The following RAB40B variants were observed in gnomAD, a reference collection of about 807,000 sequenced individuals.
RAB40B encodes the protein RAB40B, member RAS oncogene family, also known as ras-related protein Rab-40B.
RAB40B carries 21 observed loss-of-function variants against 24.0 expected under a neutral mutation model. The observed-to-expected ratio is 0.88, with a 90% CI of 0.62 to 1.26. The LOEUF (loss-of-function observed/expected upper bound fraction) is 1.26. RAB40B is among the 50% of genes most tolerant of loss of function. RAB40B has a pLI of 0.00. For missense variants in RAB40B, 348 were observed against 390.5 expected, an observed-to-expected ratio of 0.89 and a Z score of 0.92; for synonymous variants, 167 against 169.8, an observed-to-expected ratio of 0.98 and a Z score of 0.13.
chr17:82,659,455 C>G, intron 4 of RAB40B, 125 bp downstream of exon 4: 1 of 852,152 alleles, frequency 1.2e-6, no homozygotes, highest in South Asian at 1.6e-5. Context: ...TGCTGGAGCG[C>G]CATCCGGTGC....
At chr17:82,698,309 T>A in intron 1 of RAB40B, 146 bp downstream of exon 1, 11 of 652,134 alleles carry the variant, frequency 1.7e-5, no homozygotes, top group East Asian at 5.1e-5. Flanking sequence ...ACTCCTACCC[T>A]CCCCGGCCAC....
Position 82,667,283 on chromosome 17 carries a change from G to T in RAB40B, c.143-2727C>A, listed in dbSNP as rs190859127. ...CGGGCAGAGCGAGGTGTGCAGTGGC[G>T]GTGCCACCGGTGGCCTCCCACTTGG... On this transcript the variant is annotated intron_variant, in intron 1 of 5. Transcript: ENST00000571995. This position sits in a 1 kb window ranked among gnomAD's most constrained non-coding sequence, Gnocchi z 4.3. Among the ~76,000 whole-genome samples the T allele has an allele frequency of 1.3e-5, 2 of 152,236 alleles. No individual in the cohort carries two copies. Among genetic ancestry groups the T allele is most frequent in the Admixed American group, 6.5e-5 (1 of 15,286 alleles).
chr17:82,670,477 G>T (rs1038292410), intron 1 of RAB40B, among the ~76,000 whole-genome samples: 2 of 151,354 alleles, frequency 1.3e-5, no homozygotes, highest in African/African-American at 4.9e-5. Context: ...GAGCCACCAC[G>T]CCCAGCCAAG....
At chr17:82,661,749 T>C (rs2046175194) in intron 2 of RAB40B, 1 of 215,732 alleles carries the variant, frequency 4.6e-6, no homozygotes, top group Non-Finnish European at 7.9e-6. Flanking sequence ...TAGCTGGACA[T>C]GGTGGTGTGC....
intron 3 of RAB40B, among the ~76,000 whole-genome samples, chr17:82,660,194 CAT>C (rs1281902580): frequency 2.6e-5 from 4 of 152,074 alleles, no homozygotes; most frequent in Admixed American, 6.5e-5. Flanking sequence ...TACACATACA[CAT>C]AGGCACTCAT....
chr17:82,666,527 G>A (rs2046259564), intron 1 of RAB40B, among the ~76,000 whole-genome samples: 1 of 152,172 alleles, frequency 6.6e-6, no homozygotes, highest in South Asian at 2.1e-4. Flanking sequence ...TTACAGGCAT[G>A]AGCTGCTGCT....
Position 82,656,125 on chromosome 17 carries a change from T to G in RAB40B, c.*1738A>C, listed in dbSNP as rs1211164390. The G allele has an allele frequency of 6.6e-6, 1 of 151,876 alleles. No homozygotes were observed. The highest frequency in any genetic ancestry group is 1.5e-5 in the Non-Finnish European group (1 of 67,988). The allele number at this position is 151,876 out of a possible 1,614,324, so 9.4% of individuals were successfully genotyped here. ...TGCCATGCCAAGCCAATTTTTGTAA[T>G]TTTATTAGAGACGGGGTTTCATCAC... On this transcript the variant is annotated 3_prime_UTR_variant, in exon 6 of 6. Transcript: ENST00000571995.
rs368029606 is a variant in RAB40B, at chr17:82,659,530, G to A, written c.342+50C>T. On this transcript the variant is annotated intron_variant, in intron 4 of 5. Transcript: ENST00000571995. ...GCCCGGCCCTAATTCCTGGCCTGAC[G>A]TCCTCCCAAGCCTACAGGGATCTTG... is the stretch of plus-strand genomic sequence containing the variant. The A allele has an allele frequency of 9.8e-5, 156 of 1,584,144 alleles. 1 individual carries two copies. In the African/African-American group the frequency reaches 1.4e-3, roughly 14 times the overall value.
At chr17:82,658,324 C>G in intron 5 of RAB40B, 167 bp downstream of exon 5, 1 of 1,073,910 alleles carries the variant, frequency 9.3e-7, no homozygotes, top group Non-Finnish European at 1.3e-6. Context: ...CCCTCATGAG[C>G]TTTCTGACAA....
intron 1 of RAB40B, among the ~76,000 whole-genome samples, chr17:82,679,524 G>A (rs947714908): frequency 7.9e-5 from 12 of 151,950 alleles, no homozygotes; most frequent in Non-Finnish European, 1.3e-4. Context: ...CTTGTGATCC[G>A]CCTTGGCCTC....
At chr17:82,696,030 C>T (rs1358225980) in intron 1 of RAB40B, among the ~76,000 whole-genome samples, 2 of 151,720 alleles carry the variant, frequency 1.3e-5, no homozygotes, top group African/African-American at 2.4e-5. Flanking sequence ...ACACCATGCT[C>T]GGCTAATTTT....
intron 1 of RAB40B, among the ~76,000 whole-genome samples, chr17:82,682,125 A>G (rs1444366637): frequency 6.7e-6 from 1 of 150,172 alleles, no homozygotes; most frequent in Non-Finnish European, 1.5e-5. Context: ...ACGCATGCAC[A>G]CACACACACA....
intron 1 of RAB40B, among the ~76,000 whole-genome samples, chr17:82,684,511 C>T (rs944367179): frequency 3.3e-5 from 5 of 152,084 alleles, no homozygotes; most frequent in Admixed American, 6.6e-5. Context: ...TTTCATAGAT[C>T]GCCAAAAGCT....
intron 1 of RAB40B, among the ~76,000 whole-genome samples, chr17:82,690,571 C>G (rs1237335260): frequency 7.2e-6 from 1 of 138,652 alleles, no homozygotes; most frequent in Non-Finnish European, 1.5e-5. Flanking sequence ...CGTGTGTTGC[C>G]GGGGAGCAGA....
chr17:82,678,111 T>C (rs949646272), intron 1 of RAB40B, among the ~76,000 whole-genome samples: 1 of 152,214 alleles, frequency 6.6e-6, no homozygotes, highest in Admixed American at 6.5e-5. Flanking sequence ...TTTGCAGTTT[T>C]TTTTGTTTTT....
chr17:82,657,955 GGGTGGAGCTGGTGGT>G lies in RAB40B; in HGVS notation c.730_744del (p.Thr244_Thr248del). On this transcript the variant is annotated inframe_deletion, in exon 6 of 6. Coordinates refer to ENST00000571995, the MANE Select transcript of RAB40B (RefSeq NM_006822.3). ...ACTTTGCGGAGGCTGCTCCTTTTGTGGGTGGAGCTGGTGGTGAGGGAGTAGGAACCGCCGTGCATC... is the reference window on the plus strand; with the variant it reads ...ACTTTGCGGAGGCTGCTCCTTTTGTGGAGGGAGTAGGAACCGCCGTGCATC... 1 of 1,614,156 alleles carries G rather than the reference GGGTGGAGCTGGTGGT, an allele frequency of 6.2e-7. No individual in the cohort carries two copies. Among genetic ancestry groups the G allele is most frequent in the Non-Finnish European group, 8.5e-7 (1 of 1,180,024 alleles).
At chr17:82,685,420 C>T (rs1247621480) in intron 1 of RAB40B, among the ~76,000 whole-genome samples, 1 of 152,118 alleles carries the variant, frequency 6.6e-6, no homozygotes, top group African/African-American at 2.4e-5. Context: ...CACACAGGGA[C>T]GAAGCTTCAG....
chr17:82,670,254 C>T (rs547297435), intron 1 of RAB40B, among the ~76,000 whole-genome samples: 44 of 147,118 alleles, frequency 3.0e-4, no homozygotes, highest in Non-Finnish European at 2.8e-4. Context: ...GACGTGATCT[C>T]GCTCACTGCA....
chr17:82,691,793 T>C (rs937791398), intron 1 of RAB40B, among the ~76,000 whole-genome samples: 1 of 152,230 alleles, frequency 6.6e-6, no homozygotes, highest in East Asian at 1.9e-4. Context: ...AGGGCCCTGC[T>C]GTGCCCCGAC....
Sources: allele counts gnomAD v4.1 joint callset (sites outside exome capture counted in the v4.1 genomes callset), GRCh38; gene constraint gnomAD v4.1.1; non-coding constraint Gnocchi (gnomAD v3.1); transcripts MANE v1.5; gene names NCBI Gene and HGNC (gene_info 2026-07-23, HGNC 2026-07-21).